APBA1: variants seen among roughly 807,000 people sequenced by gnomAD.
The protein encoded by APBA1 is amyloid beta precursor protein binding family A member 1.
In APBA1, 55 loss-of-function variants were observed where a neutral mutation model predicts 86.6. The observed-to-expected ratio is 0.64, with a 90% CI of 0.51 to 0.80. The LOEUF (loss-of-function observed/expected upper bound fraction) is 0.80, where lower values mean the gene tolerates loss of function less well. Among genes scored for constraint, APBA1 ranks in the 30% least tolerant of loss-of-function variants. APBA1 has a pLI of 0.00. For synonymous variants in APBA1, 511 were observed against 493.9 expected, an observed-to-expected ratio of 1.03 and a Z score of -0.46; for missense variants, 1,090 against 1,183.0, an observed-to-expected ratio of 0.92 and a Z score of 1.15.
chr9:69,573,987 G>A (rs1401018487), intron 1 of APBA1, among the ~76,000 whole-genome samples: 2 of 152,016 alleles, frequency 1.3e-5, no homozygotes, highest in Non-Finnish European at 2.9e-5. Flanking sequence ...GCCTTATTAG[G>A]TAATACGAAA....
intron 1 of APBA1, among the ~76,000 whole-genome samples, chr9:69,643,497 C>A (rs2134009740): frequency 6.6e-6 from 1 of 152,316 alleles, no homozygotes; most frequent in South Asian, 2.1e-4. Flanking sequence ...GCACATCTCT[C>A]CTCCTCATGG....
At chr9:69,630,162 C>T (rs529006982) in intron 1 of APBA1, among the ~76,000 whole-genome samples, 2 of 151,932 alleles carry the variant, frequency 1.3e-5, no homozygotes, top group South Asian at 4.2e-4. Context: ...CACCAGTAAG[C>T]AAGTGACATC....
intron 1 of APBA1, among the ~76,000 whole-genome samples, chr9:69,578,145 C>T (rs1821839823): frequency 1.3e-5 from 2 of 152,220 alleles, no homozygotes; most frequent in African/African-American, 4.8e-5. Context: ...ATTAGGACAT[C>T]CCAGCTGTAG....
At chr9:69,597,644 A>T (rs1341056969) in intron 1 of APBA1, among the ~76,000 whole-genome samples, 1 of 152,126 alleles carries the variant, frequency 6.6e-6, no homozygotes, top group Admixed American at 6.6e-5. Context: ...TTATGGTTTT[A>T]GGTCTAACGT....
At position 69,559,443 on chromosome 9, in the gene APBA1, C is replaced by T. The variant is rs547853592; in HGVS notation, c.-69-42164G>A. 9.2e-5 allele frequency among the ~76,000 whole-genome samples: 14 copies of T among 152,246 alleles called. No homozygotes were observed. The South Asian group carries it at 2.9e-3, about 32-fold the overall frequency. On this transcript the variant is annotated intron_variant, in intron 1 of 12. Transcript: ENST00000265381. ...AGACATTTATCCCTATTAATTTAGCCTATTTTTTGAATTTTATATAAATGG... is the reference window on the plus strand; with the variant it reads ...AGACATTTATCCCTATTAATTTAGCTTATTTTTTGAATTTTATATAAATGG...
chr9:69,600,083 A>G (rs1391235832), intron 1 of APBA1, among the ~76,000 whole-genome samples: 1 of 152,052 alleles, frequency 6.6e-6, no homozygotes, highest in Admixed American at 6.6e-5. Context: ...CTTCTTTCTA[A>G]TCTGTTGCCT....
intron 1 of APBA1, among the ~76,000 whole-genome samples, chr9:69,537,739 C>T (rs1836536287): frequency 6.6e-6 from 1 of 151,858 alleles, no homozygotes; most frequent in African/African-American, 2.4e-5. Context: ...AGCTTATTGG[C>T]CACTGCATTT....
At chr9:69,464,546 A>AGAT (rs1835245333) in intron 5 of APBA1, 1 of 152,222 alleles carries the variant, frequency 6.6e-6, no homozygotes, top group Admixed American at 6.5e-5. Context: ...CAACAGAGCC[A>AGAT]TCTAATTTTT....
chr9:69,451,980 G>A (rs1835017431), intron 9 of APBA1, 142 bp downstream of exon 9: 4 of 770,566 alleles, frequency 5.2e-6, no homozygotes, highest in Non-Finnish European at 8.8e-6. Context: ...AGCGAGAGAT[G>A]GGGGTGAACG....
At chr9:69,608,652 C>G (rs906446572) in intron 1 of APBA1, among the ~76,000 whole-genome samples, 1 of 152,090 alleles carries the variant, frequency 6.6e-6, no homozygotes, top group South Asian at 2.1e-4. Flanking sequence ...TTTAAGAGGC[C>G]CCCCTTTGAG....
intron 1 of APBA1, among the ~76,000 whole-genome samples, chr9:69,667,406 T>C (rs557510528): frequency 1.1e-4 from 17 of 152,004 alleles, no homozygotes; most frequent in Non-Finnish European, 1.6e-4. Context: ...CCTAATTGAC[T>C]CACTGCTCTG....
intron 10 of APBA1, among the ~76,000 whole-genome samples, chr9:69,448,214 C>T (rs1280370958): frequency 6.6e-6 from 1 of 152,196 alleles, no homozygotes; most frequent in Non-Finnish European, 1.5e-5. Context: ...TAAAATTGTC[C>T]ATCTAATCAC....
intron 2 of APBA1, among the ~76,000 whole-genome samples, chr9:69,484,971 T>A (rs1362866244): frequency 6.6e-6 from 1 of 151,778 alleles, no homozygotes; most frequent in Non-Finnish European, 1.5e-5. Context: ...GCAGTTTTTT[T>A]AAACTGAAAA....
intron 1 of APBA1, among the ~76,000 whole-genome samples, chr9:69,599,789 A>C (rs1822310569): frequency 6.6e-6 from 1 of 152,188 alleles, no homozygotes; most frequent in African/African-American, 2.4e-5. Flanking sequence ...ATGCAGACTA[A>C]AGTGTGAGAA....
At chr9:69,616,463 T>C (rs1822702977) in intron 1 of APBA1, among the ~76,000 whole-genome samples, 1 of 152,208 alleles carries the variant, frequency 6.6e-6, no homozygotes, top group South Asian at 2.1e-4. Context: ...ACTGGGATTG[T>C]CATAGTACTA....
Position 69,457,471 on chromosome 9 carries a change from A to C in APBA1, c.1516-332T>G, listed in dbSNP as rs73443781. On this transcript the variant is annotated intron_variant, in intron 6 of 12. Coordinates refer to ENST00000265381, the MANE Select transcript of APBA1 (RefSeq NM_001163.4). The stretch of plus-strand genomic sequence containing the variant: ...GTTTTGGAGCCCAACAGATTGAAGA[A>C]ATAGGCCAAAAAGCTCATACCAAAA... 7.9e-3 allele frequency among the ~76,000 whole-genome samples: 1,201 copies of C among 152,330 alleles called. 15 individuals carry two copies. The highest frequency in any genetic ancestry group is 0.027 in the African/African-American group (1,137 of 41,564).
chr9:69,618,225 T>C lies in APBA1; in HGVS notation c.-70+53928A>G, dbSNP rs547530963. Reference sequence around the variant, plus strand: ...TCTGGTAAACACACACAATAGACACTAACTTGGTGGAACATCCCCAGGTCT... The same window carrying C: ...TCTGGTAAACACACACAATAGACACCAACTTGGTGGAACATCCCCAGGTCT... On this transcript the variant is annotated intron_variant, in intron 1 of 12. Coordinates refer to ENST00000265381, the MANE Select transcript of APBA1 (RefSeq NM_001163.4). Among the ~76,000 whole-genome samples the C allele has an allele frequency of 2.6e-5, 4 of 152,286 alleles. No individual in the cohort carries two copies. In the East Asian group the frequency reaches 7.7e-4, roughly 29 times the overall value.
chr9:69,466,871 C>T (rs1397696148), intron 5 of APBA1, among the ~76,000 whole-genome samples: 1 of 152,200 alleles, frequency 6.6e-6, no homozygotes, highest in Admixed American at 6.5e-5. Flanking sequence ...TCCATTTTGA[C>T]CAGTTGAAAC....
At chr9:69,658,347 TTTC>T (rs1823680967) in intron 1 of APBA1, among the ~76,000 whole-genome samples, 1 of 145,118 alleles carries the variant, frequency 6.9e-6, no homozygotes, top group South Asian at 2.2e-4. Flanking sequence ...TCTTTCTTTC[TTTC>T]TTTCTTTCTG....
Sources: gnomAD v4.1 joint callset for allele counts (sites outside exome capture counted in the v4.1 genomes callset) on GRCh38, gnomAD v4.1.1 for gene constraint, MANE v1.5 for transcripts, NCBI Gene and HGNC (gene_info 2026-07-23, HGNC 2026-07-21) for gene names.